Variants in FOXK1 observed in about 807,000 individuals in gnomAD.
The protein encoded by FOXK1 is forkhead box protein K1.
In FOXK1, 19 loss-of-function variants were observed where a neutral mutation model predicts 51.9. The ratio of observed to expected loss-of-function variants is 0.37; its 90% confidence interval spans 0.26 to 0.54. FOXK1 has a LOEUF of 0.54. FOXK1 is among the 20% of genes least tolerant of loss of function. The pLI is 0.87. For synonymous variants in FOXK1, 537 were observed against 482.6 expected (o/e 1.11, Z -1.48); for missense variants, 870 against 1,032.7 (o/e 0.84, Z 2.16).
chr7:4,720,814 G>A (rs1231807945), intron 1 of FOXK1, among the ~76,000 whole-genome samples: 1 of 151,564 alleles, frequency 6.6e-6, no homozygotes, highest in African/African-American at 2.4e-5. Flanking sequence ...TACCTCCTGG[G>A]TTCAAGCGAT....
intron 1 of FOXK1, among the ~76,000 whole-genome samples, chr7:4,718,326 A>G (rs1780264682): frequency 6.6e-6 from 1 of 152,284 alleles, no homozygotes; most frequent in South Asian, 2.1e-4. Context: ...AACCCTGGAA[A>G]CCAGTAAATG....
At chr7:4,732,532 G>A (rs908802604) in intron 1 of FOXK1, among the ~76,000 whole-genome samples, 4 of 152,206 alleles carry the variant, frequency 2.6e-5, no homozygotes, top group Middle Eastern at 3.4e-3. Context: ...AGGGTCAAGC[G>A]ATCGTCCCAC....
In FOXK1 at chr7:4,757,318, A is replaced by C. The variant is rs188038680; in HGVS notation, c.1244+131A>C. Reference sequence around the variant, plus strand: ...TCAGTGTACGGGCATGCAACTGATCACAGGTCAAAAATATTCCAAAAAAAA... The same window carrying C: ...TCAGTGTACGGGCATGCAACTGATCCCAGGTCAAAAATATTCCAAAAAAAA... On this transcript the variant is annotated intron_variant, in intron 5 of 8. Transcript: ENST00000328914. The C allele has an allele frequency of 2.2e-3, 1,724 of 787,552 alleles. 18 individuals carry two copies. Among genetic ancestry groups the C allele is most frequent in the African/African-American group, 3.4e-3 (195 of 56,828 alleles). The allele number at this position is 787,552 out of a possible 1,614,324, so 48.8% of individuals were successfully genotyped here.
rs200309769 is a variant in FOXK1, at chr7:4,759,106, C to G, written c.1300C>G (p.Leu434Val). Reference protein sequence around the residue: ...PGLMSPRSGGLQTPECLSREG... With the variant: ...PGLMSPRSGGVQTPECLSREG... ...GCTGATGTCCCCTCGCTCCGGCGGC[C>G]TGCAGACCCCAGAGTGCCTGTCTCG... is the stretch of plus-strand genomic sequence containing the variant. The change falls in exon 6 of 9, where the codon CTG becomes GTG. Residue 434 changes from leucine to valine, a missense_variant. Around this residue, in one of 3 missense-constraint regions of FOXK1, gnomAD observed 457 missense variants for 510.8 expected, o/e 0.89. Transcript: ENST00000328914. 1 of 1,611,726 alleles carries G rather than the reference C, an allele frequency of 6.2e-7. No homozygotes were observed. Among genetic ancestry groups the G allele is most frequent in the African/African-American group, 1.3e-5 (1 of 75,062 alleles).
rs1779779688 is a variant in FOXK1 at position 4,683,467 on chromosome 7, G to A, written c.560+599G>A. On this transcript the variant is annotated intron_variant, in intron 1 of 8. Coordinates refer to ENST00000328914, the MANE Select transcript of FOXK1 (RefSeq NM_001037165.2). The surrounding 1 kb of genome is among the most constrained non-coding windows in gnomAD (Gnocchi z 4.5). The stretch of plus-strand genomic sequence containing the variant: ...CCTGACCGCTAACCCCACAAGCCTG[G>A]GCTCGCAGGGCCACTCCCACCCCAG... 6.6e-6 allele frequency among the ~76,000 whole-genome samples: 1 copy of A among 151,680 alleles called. No individual in the cohort carries two copies. Among genetic ancestry groups the A allele is most frequent in the African/African-American group, 2.4e-5 (1 of 41,276 alleles).
At chr7:4,688,973 C>G (rs1484349246) in intron 1 of FOXK1, among the ~76,000 whole-genome samples, 1 of 151,208 alleles carries the variant, frequency 6.6e-6, no homozygotes, top group African/African-American at 2.4e-5. Flanking sequence ...TTTGTTCTCA[C>G]CTGCACTTTT....
Position 4,711,178 on chromosome 7 carries a change from C to T in FOXK1, c.560+28310C>T, listed in dbSNP as rs139456751. Among the ~76,000 whole-genome samples, 909 of 152,266 alleles carry T rather than the reference C, an allele frequency of 6.0e-3. 10 individuals carry two copies. Among genetic ancestry groups the T allele is most frequent in the African/African-American group, 0.011 (476 of 41,552 alleles). On this transcript the variant is annotated intron_variant, in intron 1 of 8. Coordinates refer to ENST00000328914, the MANE Select transcript of FOXK1 (RefSeq NM_001037165.2). The surrounding 1 kb of genome is among the most constrained non-coding windows in gnomAD (Gnocchi z 6.3). Reference sequence around the variant, plus strand: ...GATGTCCGTTCCTGATGCCTTGCCCCGGGCAGCATGTGCCCAGCTCTGTTC... The same window carrying T: ...GATGTCCGTTCCTGATGCCTTGCCCTGGGCAGCATGTGCCCAGCTCTGTTC...
At position 4,723,327 on chromosome 7, in the gene FOXK1, T is replaced by G. The variant is rs1780339069; in HGVS notation, c.561-17511T>G. On this transcript the variant is annotated intron_variant, in intron 1 of 8. Transcript: ENST00000328914. The surrounding 1 kb of genome is among the most constrained non-coding windows in gnomAD (Gnocchi z 4.7). Reference sequence around the variant, plus strand: ...CAAATATAGCAAAAGAGCTTGTTGGTAAATACTGCCTGAAAACATTGGCTT... The same window carrying G: ...CAAATATAGCAAAAGAGCTTGTTGGGAAATACTGCCTGAAAACATTGGCTT... 6.6e-6 allele frequency among the ~76,000 whole-genome samples: 1 copy of G among 152,050 alleles called. No homozygotes were observed. The highest frequency in any genetic ancestry group is 2.4e-5 in the African/African-American group (1 of 41,418).
rs1041093507 is a variant in FOXK1 at position 4,703,616 on chromosome 7, A to G, written c.560+20748A>G. Among the ~76,000 whole-genome samples, 18 of 152,198 alleles carry G rather than the reference A, an allele frequency of 1.2e-4. No individual in the cohort carries two copies. The highest frequency in any genetic ancestry group is 4.1e-4 in the African/African-American group (17 of 41,450). On this transcript the variant is annotated intron_variant, in intron 1 of 8. Transcript: ENST00000328914. The surrounding 1 kb of genome is among the most constrained non-coding windows in gnomAD (Gnocchi z 5.6). Reference sequence around the variant, plus strand: ...CAGAACATCATTAAGAATTGTTTTTATATCTGGCAAAACTAAAAGCTTGAA... The same window carrying G: ...CAGAACATCATTAAGAATTGTTTTTGTATCTGGCAAAACTAAAAGCTTGAA...
intron 1 of FOXK1, among the ~76,000 whole-genome samples, chr7:4,737,462 ATGTG>A (rs923540727): frequency 1.3e-5 from 2 of 150,550 alleles, no homozygotes; most frequent in African/African-American, 2.4e-5. Context: ...GCACGTGTGC[ATGTG>A]TGTGTGTGCG....
At chr7:4,694,514 C>T (rs1315077258) in intron 1 of FOXK1, among the ~76,000 whole-genome samples, 1 of 152,192 alleles carries the variant, frequency 6.6e-6, no homozygotes. Context: ...AAGGTCCTTA[C>T]TGTTTTTCCA....
chr7:4,690,183 A>G (rs989273212), intron 1 of FOXK1, among the ~76,000 whole-genome samples: 2 of 152,230 alleles, frequency 1.3e-5, no homozygotes, highest in Non-Finnish European at 2.9e-5. Context: ...ATCCAGGTGC[A>G]GGATCTGCTG....
At chr7:4,741,530 G>A (rs1164878604) in intron 2 of FOXK1, among the ~76,000 whole-genome samples, 5 of 151,972 alleles carry the variant, frequency 3.3e-5, no homozygotes, top group Admixed American at 6.6e-5. Flanking sequence ...GGGGTTTCAC[G>A]ATGTTGGCCA....
intron 1 of FOXK1, among the ~76,000 whole-genome samples, chr7:4,721,701 C>A (rs1780314983): frequency 7.0e-6 from 1 of 142,010 alleles, no homozygotes; most frequent in African/African-American, 2.7e-5. Flanking sequence ...AGCAGTTCTT[C>A]TGCGTCAGCC....
At position 4,758,081 on chromosome 7, in the gene FOXK1, G is replaced by C. The variant is rs1780878898; in HGVS notation, c.1244+894G>C. The stretch of plus-strand genomic sequence containing the variant: ...CAAGAATAAATGGATTGCGGTTGTG[G>C]GTCTTTTGGTAGCACTAAGCTTTCT... On this transcript the variant is annotated intron_variant, in intron 5 of 8. Transcript: ENST00000328914. The surrounding 1 kb of genome is among the most constrained non-coding windows in gnomAD (Gnocchi z 4.4). 1 of 152,398 alleles carries C rather than the reference G, an allele frequency of 6.6e-6. No homozygotes were observed. The highest frequency in any genetic ancestry group is 3.4e-3 in the Middle Eastern group (1 of 294). 9.4% of individuals were successfully genotyped at this position (152,398 alleles called of 1,614,324 possible). A position where few individuals can be genotyped will look rare whatever the true frequency, so the allele number is the denominator to read the frequency against.
rs530946247 is a variant in FOXK1, at chr7:4,743,938, G to A, written c.746+2915G>A. Among the ~76,000 whole-genome samples, 15 of 151,328 alleles carry A rather than the reference G, an allele frequency of 9.9e-5. No individual in the cohort carries two copies. Among genetic ancestry groups the A allele is most frequent in the Non-Finnish European group, 1.5e-4 (10 of 67,876 alleles). On this transcript the variant is annotated intron_variant, in intron 2 of 8. Transcript: ENST00000328914. This position sits in a 1 kb window ranked among gnomAD's most constrained non-coding sequence, Gnocchi z 5.3. ...GTCGCCCAGGCTGGAGTGCAGTGGC[G>A]TGATCTTGGCTCAGTGCAAGCTCCA...
At chr7:4,698,011 G>A (rs1294169486) in intron 1 of FOXK1, among the ~76,000 whole-genome samples, 6 of 152,022 alleles carry the variant, frequency 3.9e-5, no homozygotes, top group Non-Finnish European at 7.4e-5. Context: ...TTTTAGTAGA[G>A]ATGGGGTTTC....
chr7:4,705,974 G>GTATA lies in FOXK1; in HGVS notation c.560+23111_560+23114dup, dbSNP rs1302257219. On this transcript the variant is annotated intron_variant, in intron 1 of 8. Transcript: ENST00000328914. ...TATATATATATGTATATATATATACGTATATATACGTATATATACGTATAT... is the reference window on the plus strand; with the variant it reads ...TATATATATATGTATATATATATACGTATATATATATACGTATATATACGTATAT... Among the ~76,000 whole-genome samples, 307 of 67,702 alleles carry GTATA rather than the reference G, an allele frequency of 4.5e-3. 18 individuals carry two copies. The highest frequency in any genetic ancestry group is 0.023 in the African/African-American group (261 of 11,478). The allele number at this position is 67,702 out of a possible 152,430, so 44.4% of individuals were successfully genotyped here. A position where few individuals can be genotyped will look rare whatever the true frequency, so the allele number is the denominator to read the frequency against.
rs766885716 is a variant in FOXK1, at chr7:4,759,397, G to T, written c.1498G>T (p.Ala500Ser). The T allele has an allele frequency of 6.2e-7, 1 of 1,601,310 alleles. No homozygotes were observed. Among genetic ancestry groups the T allele is most frequent in the Non-Finnish European group, 8.5e-7 (1 of 1,178,600 alleles). The change falls in exon 7 of 9, where the codon GCC (alanine) becomes TCC (serine). Residue 500 changes from alanine (A) to serine (S), a missense_variant. Ala to Ser is a moderately conservative substitution (Grantham distance 99). This residue lies in a region of FOXK1 where 457 missense variants were observed against 510.8 expected (regional missense o/e 0.89). Transcript: ENST00000328914. ...GGCCAAGCCCGTGGCCTACATGCCC[G>T]CCTCCATCGTAACCTCACAGCAGCC... is the stretch of plus-strand genomic sequence containing the variant. Reference protein sequence around the residue: ...LVAKPVAYMPASIVTSQQPAG... With the variant: ...LVAKPVAYMPSSIVTSQQPAG...
Sources: allele counts gnomAD v4.1 joint callset (sites outside exome capture counted in the v4.1 genomes callset), GRCh38; gene constraint gnomAD v4.1.1; regional missense constraint gnomAD v4.1.1; non-coding constraint Gnocchi (gnomAD v3.1); transcripts MANE v1.5; gene names NCBI Gene and HGNC (gene_info 2026-07-23, HGNC 2026-07-21).